Variants in RALB observed in about 807,000 individuals in gnomAD.
The protein encoded by RALB is RAS like proto-oncogene B.
RALB carries 16 observed loss-of-function variants against 21.3 expected under a neutral mutation model. The ratio of observed to expected loss-of-function variants is 0.75; its 90% confidence interval spans 0.51 to 1.14. RALB has a LOEUF of 1.14. RALB is among the 50% of genes most tolerant of loss of function. RALB has a pLI of 0.00. For synonymous variants in RALB, 93 were observed against 96.1 expected, an observed-to-expected ratio of 0.97 and a Z score of 0.19; for missense variants, 161 against 256.2, an observed-to-expected ratio of 0.63 and a Z score of 2.54.
upstream of RALB, chr2:120,252,772 G>A (rs1250768403): frequency 9.1e-6 from 9 of 985,246 alleles, no homozygotes; most frequent in South Asian, 3.8e-4. Context: ...CTTCCGAGGA[G>A]AGGGCAAGAA....
intron 1 of RALB, among the ~76,000 whole-genome samples, chr2:120,244,120 A>C (rs566820596): frequency 6.6e-6 from 1 of 152,222 alleles, no homozygotes. Context: ...ACACACTTGC[A>C]AACAACCAGA....
intron 1 of RALB, among the ~76,000 whole-genome samples, chr2:120,267,337 A>C (rs1161532923): frequency 1.3e-5 from 2 of 152,226 alleles, no homozygotes; most frequent in Non-Finnish European, 2.9e-5. Context: ...TGTCAGAAAA[A>C]AGTCAAAAAT....
intron 1 of RALB, among the ~76,000 whole-genome samples, chr2:120,274,973 C>T (rs778825467): frequency 6.6e-6 from 1 of 152,146 alleles, no homozygotes; most frequent in African/African-American, 2.4e-5. Flanking sequence ...CACTCATTGC[C>T]CCTTGTTCCC....
At chr2:120,292,801 A>AT (rs1193492331) in intron 4 of RALB, among the ~76,000 whole-genome samples, 1 of 152,128 alleles carries the variant, frequency 6.6e-6, no homozygotes, top group Non-Finnish European at 1.5e-5. Flanking sequence ...AAAAAAAAAA[A>AT]AAGCTGCTGC....
intron 1 of RALB, among the ~76,000 whole-genome samples, chr2:120,242,641 G>C (rs1688913673): frequency 6.6e-6 from 1 of 152,234 alleles, no homozygotes; most frequent in African/African-American, 2.4e-5. Context: ...GGGAGGCTGA[G>C]TTGGGAGAAT....
chr2:120,261,461 A>G (rs898191607), intron 1 of RALB, among the ~76,000 whole-genome samples: 2 of 152,112 alleles, frequency 1.3e-5, no homozygotes, highest in African/African-American at 4.8e-5. Flanking sequence ...CTCTGGGACA[A>G]ATGAGGTTAG....
intron 1 of RALB, among the ~76,000 whole-genome samples, chr2:120,263,044 G>T (rs548813302): frequency 6.6e-6 from 1 of 152,216 alleles, no homozygotes; most frequent in Non-Finnish European, 1.5e-5. Context: ...GGACAAGGGG[G>T]ACTGCGTCTG....
chr2:120,253,111 C>T (rs1327732689), intron 1 of RALB, 131 bp downstream of exon 1: 3 of 623,172 alleles, frequency 4.8e-6, no homozygotes, highest in Non-Finnish European at 6.0e-6. Flanking sequence ...ACATGTCGCG[C>T]CCCGAGGCCG....
At chr2:120,289,257 T>C (rs1296874480) in intron 3 of RALB, among the ~76,000 whole-genome samples, 1 of 147,940 alleles carries the variant, frequency 6.8e-6, no homozygotes, top group Admixed American at 6.7e-5. Flanking sequence ...TTTTTTTTTG[T>C]GTGTGCATAA....
intron 1 of RALB, among the ~76,000 whole-genome samples, chr2:120,269,623 C>G (rs1404412029): frequency 6.6e-6 from 1 of 152,202 alleles, no homozygotes; most frequent in Non-Finnish European, 1.5e-5. Flanking sequence ...ATCCTAGCTA[C>G]AGAGGACTGA....
intron 1 of RALB, among the ~76,000 whole-genome samples, chr2:120,272,566 T>C (rs1260544602): frequency 6.6e-6 from 1 of 152,226 alleles, no homozygotes; most frequent in Non-Finnish European, 1.5e-5. Flanking sequence ...CTTTTCTTAG[T>C]GTTTGAAACT....
upstream of RALB, chr2:120,252,740 G>A (rs987267590): frequency 5.1e-6 from 5 of 976,050 alleles, no homozygotes; most frequent in African/African-American, 1.8e-5. Context: ...CGGATTGGCT[G>A]ACAGCCCCCC....
intron 1 of RALB, among the ~76,000 whole-genome samples, chr2:120,269,014 C>T (rs764239426): frequency 6.6e-6 from 1 of 152,072 alleles, no homozygotes; most frequent in Non-Finnish European, 1.5e-5. Context: ...CCATTTTGTA[C>T]CTCCTCCTAA....
At chr2:120,268,550 G>T (rs1689561570) in intron 1 of RALB, among the ~76,000 whole-genome samples, 1 of 152,308 alleles carries the variant, frequency 6.6e-6, no homozygotes, top group South Asian at 2.1e-4. Flanking sequence ...TGGAGTTGGG[G>T]GCAGAGGGCC....
chr2:120,266,874 T>A (rs1689517298), intron 1 of RALB, among the ~76,000 whole-genome samples: 1 of 151,962 alleles, frequency 6.6e-6, no homozygotes, highest in South Asian at 2.1e-4. Context: ...GGGCTTGAAG[T>A]TTGGTGGGAC....
chr2:120,271,441 C>A (rs997307132), intron 1 of RALB, among the ~76,000 whole-genome samples: 3 of 152,220 alleles, frequency 2.0e-5, no homozygotes, highest in African/African-American at 7.2e-5. Flanking sequence ...TCTTGTTATT[C>A]TGTATCCTTG....
intron 1 of RALB, among the ~76,000 whole-genome samples, chr2:120,276,080 C>CT (rs1265572433): frequency 1.3e-5 from 2 of 152,206 alleles, no homozygotes; most frequent in Non-Finnish European, 2.9e-5. Flanking sequence ...AGTCCTCAGC[C>CT]TGAGCTACTC....
At chr2:120,245,739 G>A (rs892306556) in intron 1 of RALB, among the ~76,000 whole-genome samples, 1 of 152,190 alleles carries the variant, frequency 6.6e-6, no homozygotes, top group African/African-American at 2.4e-5. Context: ...GTGTGGAGGG[G>A]AGGGAGCCCT....
At chr2:120,267,104 G>A (rs1689523311) in intron 1 of RALB, among the ~76,000 whole-genome samples, 2 of 152,292 alleles carry the variant, frequency 1.3e-5, no homozygotes, top group South Asian at 2.1e-4. Context: ...GTGCACAGAG[G>A]TACAGACCAG....
Sources: gnomAD v4.1 joint callset for allele counts (sites outside exome capture counted in the v4.1 genomes callset) on GRCh38, gnomAD v4.1.1 for gene constraint, MANE v1.5 for transcripts, NCBI Gene and HGNC (gene_info 2026-07-23, HGNC 2026-07-21) for gene names.